TOP3B: variants seen among roughly 807,000 people sequenced by gnomAD.
TOP3B encodes the protein DNA topoisomerase III beta.
Under a neutral mutation model 93.9 loss-of-function variants are expected in TOP3B, and 45 were observed. That is an observed-to-expected ratio of 0.48 (90% CI 0.38 to 0.61). The LOEUF (loss-of-function observed/expected upper bound fraction) is 0.61, where lower values mean the gene tolerates loss of function less well. TOP3B is among the 20% of genes least tolerant of loss of function. The pLI is 0.00. For missense variants in TOP3B, 750 were observed against 1,156.1 expected, an observed-to-expected ratio of 0.65 and a Z score of 5.09; for synonymous variants, 357 against 472.6, an observed-to-expected ratio of 0.76 and a Z score of 3.17.
chr22:21,981,632 A>G lies in TOP3B; in HGVS notation c.-99+1098T>C, dbSNP rs1243157308. Among the ~76,000 whole-genome samples, 6 of 152,228 alleles carry G rather than the reference A, an allele frequency of 3.9e-5. No homozygotes were observed. In the South Asian group the frequency reaches 1.2e-3, roughly 32 times the overall value. The stretch of plus-strand genomic sequence containing the variant: ...GCCAACATGGTGAAGCCTGGTCTCT[A>G]CTAAAAATACAAAAATTAGCTGGGC... On this transcript the variant is annotated intron_variant, in intron 1 of 17. Coordinates refer to ENST00000357179, the MANE Select transcript of TOP3B (RefSeq NM_001282112.2).
At position 21,972,814 on chromosome 22, in the gene TOP3B, A is replaced by G. The variant is rs183219970; in HGVS notation, c.203-96T>C. On this transcript the variant is annotated intron_variant, in intron 3 of 17. Coordinates refer to ENST00000357179, the MANE Select transcript of TOP3B (RefSeq NM_001282112.2). ...TGTTGGCCTCATCCCACAAATGAGG[A>G]GGGGAAAGCTTGGAGAACAATTTGC... The G allele has an allele frequency of 5.8e-4, 595 of 1,018,056 alleles. 6 individuals are homozygous for G. The highest frequency in any genetic ancestry group is 4.8e-3 in the African/African-American group (306 of 63,152). 63.1% of individuals were successfully genotyped at this position (1,018,056 alleles called of 1,614,324 possible).
chr22:21,974,275 G>A lies in TOP3B; in HGVS notation c.202+82C>T, dbSNP rs2071765416. 3.3e-5 allele frequency: 51 copies of A among 1,523,686 alleles called. No individual in the cohort carries two copies. In the South Asian group the frequency reaches 5.8e-4, roughly 17 times the overall value. 94.4% of individuals were successfully genotyped at this position (1,523,686 alleles called of 1,614,324 possible). On this transcript the variant is annotated intron_variant, in intron 3 of 17. Coordinates refer to ENST00000357179, the MANE Select transcript of TOP3B (RefSeq NM_001282112.2). The stretch of plus-strand genomic sequence containing the variant: ...GAGTTGGGACAAACTTCCCTGCCTA[G>A]AGGCATCTCCTGGCTTCAACTGGAC...
chr22:21,972,829 G>T, intron 3 of TOP3B, 111 bp from the exon 4 acceptor site: 2 of 909,618 alleles, frequency 2.2e-6, no homozygotes, highest in Admixed American at 2.0e-5. Flanking sequence ...AAAGCTTGGA[G>T]AACAATTTGC....
intron 1 of TOP3B, among the ~76,000 whole-genome samples, chr22:21,979,813 C>T (rs1174087695): frequency 8.6e-5 from 13 of 151,220 alleles, no homozygotes; most frequent in South Asian, 4.2e-4. Context: ...TGGTGGCAGG[C>T]GCCTGTAGTC....
At chr22:21,968,840 T>C in intron 6 of TOP3B, 65 bp from the exon 7 acceptor site, 1 of 1,584,296 alleles carries the variant, frequency 6.3e-7, no homozygotes, top group Non-Finnish European at 8.6e-7. Context: ...GCCACCCATG[T>C]GAGTCCAGCC....
chr22:21,975,281 G>A (rs1228737188), intron 2 of TOP3B: 7 of 187,256 alleles, frequency 3.7e-5, no homozygotes, highest in African/African-American at 1.6e-4. Context: ...GGGTGACAAT[G>A]CCTGGGGCAT....
In TOP3B at chr22:21,967,720, C is replaced by A. The variant is rs1300014612; in HGVS notation, c.739-4G>T. 1 of 1,610,212 alleles carries A rather than the reference C, an allele frequency of 6.2e-7. No homozygotes were observed. ...ATCTGTCTTTGTCAGTGTTAACCTGCAGGAAAAAGGATAAAGGGTGAACGC... is the reference window on the plus strand; with the variant it reads ...ATCTGTCTTTGTCAGTGTTAACCTGAAGGAAAAAGGATAAAGGGTGAACGC... On this transcript the variant is annotated splice_polypyrimidine_tract_variant and splice_region_variant and intron_variant, in intron 7 of 17. Transcript: ENST00000357179.
Position 21,967,734 on chromosome 22 carries a change from A to G in TOP3B, c.739-18T>C. 6.3e-7 allele frequency: 1 copy of G among 1,597,432 alleles called. No individual in the cohort carries two copies. Among genetic ancestry groups the G allele is most frequent in the South Asian group, 1.1e-5 (1 of 90,800 alleles). ...GTGTTAACCTGCAGGAAAAAGGATA[A>G]AGGGTGAACGCACAAGAAAAAGTCT... On this transcript the variant is annotated intron_variant, in intron 7 of 17. Transcript: ENST00000357179.
In TOP3B at chr22:21,963,704, C is replaced by T. The variant is rs1015708225; in HGVS notation, c.1204+219G>A. The T allele has an allele frequency of 2.1e-5, 12 of 573,600 alleles. No individual in the cohort carries two copies. The highest frequency in any genetic ancestry group is 3.7e-5 in the Non-Finnish European group (12 of 323,562). The allele number at this position is 573,600 out of a possible 1,614,324, so 35.5% of individuals were successfully genotyped here. On this transcript the variant is annotated intron_variant, in intron 11 of 17. Transcript: ENST00000357179. This position sits in a 1 kb window ranked among gnomAD's most constrained non-coding sequence, Gnocchi z 4.8. ...TCATTCATGTCCCCTGTGGCGTCTG[C>T]CCCCTTGCCTCCCTGCAACAGCACC...
intron 2 of TOP3B, chr22:21,975,402 T>C: frequency 2.2e-6 from 1 of 453,040 alleles, no homozygotes; most frequent in Non-Finnish European, 3.9e-6. Context: ...ATATGGATAA[T>C]GACTGTCCTT....
In TOP3B at chr22:21,962,861, T is replaced by C. The variant is rs757138179; in HGVS notation, c.1237A>G (p.Thr413Ala). Residue 413 changes from threonine (T) to alanine (A), a missense_variant, in exon 12 of 18, where the codon ACC becomes GCC. Physicochemically the swap from Thr to Ala is moderately conservative, Grantham distance 58. This residue lies in a region of TOP3B where 737 missense variants were observed against 933.7 expected (regional missense o/e 0.79). Coordinates refer to ENST00000357179, the MANE Select transcript of TOP3B (RefSeq NM_001282112.2). ...CTGACCGTGGCGATGAAGTGTCTGG[T>C]GATGTACTCATAGAGCCGCCACGCG... ...GDAWRLYEYITRHFIATVSHD... is the reference protein window; with the variant it reads ...GDAWRLYEYIARHFIATVSHD... 1.1e-5 allele frequency: 17 copies of C among 1,613,688 alleles called. No individual in the cohort carries two copies. Among genetic ancestry groups the C allele is most frequent in the Non-Finnish European group, 1.4e-5 (17 of 1,180,012 alleles).
chr22:21,960,155 C>T (rs1463265333), intron 14 of TOP3B, 166 bp downstream of exon 14: 4 of 1,052,834 alleles, frequency 3.8e-6, no homozygotes, highest in Non-Finnish European at 5.6e-6. Flanking sequence ...TGGGCAGGTC[C>T]TGGGGGTCCT....
At chr22:21,959,922 C>G (rs761796940) in intron 14 of TOP3B, 186 bp from the exon 15 acceptor site, 1 of 768,400 alleles carries the variant, frequency 1.3e-6, no homozygotes, top group South Asian at 1.9e-5. Context: ...CCAGACCTTT[C>G]CTGATTTCCC....
At chr22:21,975,539 C>T (rs2145876957) in intron 2 of TOP3B, 101 bp downstream of exon 2, 3 of 1,360,502 alleles carry the variant, frequency 2.2e-6, no homozygotes, top group East Asian at 5.2e-5. Flanking sequence ...CCGACCCGAA[C>T]CAAATCTACC....
At chr22:21,962,036 G>A (rs1484522175) in intron 13 of TOP3B, 1 of 1,000,128 alleles carries the variant, frequency 1.0e-6, no homozygotes, top group African/African-American at 1.7e-5. Flanking sequence ...AGCAGCTCCT[G>A]TGAGATCTCA....
chr22:21,970,686 C>T lies in TOP3B; in HGVS notation c.385-280G>A, dbSNP rs2071602267. On this transcript the variant is annotated intron_variant, in intron 5 of 17. Coordinates refer to ENST00000357179, the MANE Select transcript of TOP3B (RefSeq NM_001282112.2). The surrounding 1 kb of genome is among the most constrained non-coding windows in gnomAD (Gnocchi z 4.4). ...CGAACACTCCCTTCTTACTCCCGCC[C>T]TCTCTTCTAATCCTCTGCTTTCATC... The T allele has an allele frequency of 1.3e-5, 6 of 478,490 alleles. No individual in the cohort carries two copies. The highest frequency in any genetic ancestry group is 2.3e-5 in the Non-Finnish European group (6 of 259,608). The allele number at this position is 478,490 out of a possible 1,614,324, so 29.6% of individuals were successfully genotyped here.
In TOP3B at chr22:21,958,512, G is replaced by C. The variant is rs2071024170; in HGVS notation, c.2087C>G (p.Pro696Arg). The change falls in exon 17 of 18, where the codon CCC becomes CGC. Residue 696 changes from proline to arginine, a missense_variant. Transcript: ENST00000357179. Reference protein sequence around the residue: ...PLCPYCYNHPPFRDMKKGMGC... With the variant: ...PLCPYCYNHPRFRDMKKGMGC... ...CTCACCTTTCTTCATGTCTCGGAAG[G>C]GTGGGTGGTTGTAGCAGTAGGGGCA... 6.2e-7 allele frequency: 1 copy of C among 1,613,954 alleles called. No homozygotes were observed. Among genetic ancestry groups the C allele is most frequent in the African/African-American group, 1.3e-5 (1 of 74,942 alleles).
intron 14 of TOP3B, chr22:21,960,013 G>T: frequency 1.6e-6 from 1 of 618,248 alleles, no homozygotes; most frequent in Non-Finnish European, 2.8e-6. Flanking sequence ...CCGCCCTTGG[G>T]CCAGTTTTGT....
Position 21,967,630 on chromosome 22 carries a change from G to A in TOP3B, c.825C>T (p.Asn275=). ...FDREIAQMFL[N]MTKLEKEAQV... Reference sequence around the variant, plus strand: ...GGGCTTCCTTCTCCAGCTTTGTCATGTTTAAAAACATCTGTGCGATCTCCC... The same window carrying A: ...GGGCTTCCTTCTCCAGCTTTGTCATATTTAAAAACATCTGTGCGATCTCCC... Residue 275 remains asparagine, a synonymous_variant, in exon 8 of 18, where the codon AAC becomes AAT. Coordinates refer to ENST00000357179, the MANE Select transcript of TOP3B (RefSeq NM_001282112.2). 4 of 1,614,160 alleles carry A rather than the reference G, an allele frequency of 2.5e-6. No homozygotes were observed. The highest frequency in any genetic ancestry group is 2.2e-5 in the South Asian group (2 of 91,080).
Sources: gnomAD v4.1 joint callset for allele counts (sites outside exome capture counted in the v4.1 genomes callset) on GRCh38, gnomAD v4.1.1 for gene constraint, gnomAD v4.1.1 regional missense constraint, Gnocchi (gnomAD v3.1) non-coding constraint, MANE v1.5 for transcripts, NCBI Gene and HGNC (gene_info 2026-07-23, HGNC 2026-07-21) for gene names.